Variants in MYO9B observed in about 807,000 individuals in gnomAD.
MYO9B encodes myosin IXB, also known as unconventional myosin-IXb.
A neutral mutation model predicts 229.5 loss-of-function variants in MYO9B; 71 were observed. That is an observed-to-expected ratio of 0.31 (90% CI 0.26 to 0.38). The LOEUF is 0.38. Ranked by LOEUF, MYO9B falls within the 10% of genes least tolerant of loss-of-function variation. The pLI is 1.00. For missense variants in MYO9B, 2,255 were observed against 2,920.5 expected, an observed-to-expected ratio of 0.77 and a Z score of 5.25; for synonymous variants, 1,185 against 1,235.8, an observed-to-expected ratio of 0.96 and a Z score of 0.86.
chr19:17,098,437 A>ACTG (rs574308179), intron 1 of MYO9B, among the ~76,000 whole-genome samples: 187 of 151,990 alleles, frequency 1.2e-3, no homozygotes, highest in African/African-American at 4.4e-3. Flanking sequence ...GTGTCTTTTA[A>ACTG]CTGCTGCGCT....
intron 36 of MYO9B, among the ~76,000 whole-genome samples, 196 bp from the exon 37 acceptor site, chr19:17,210,136 GC>G (rs2145524812): frequency 6.6e-6 from 1 of 152,308 alleles, no homozygotes; most frequent in East Asian, 1.9e-4. Flanking sequence ...TCTGACCTGG[GC>G]CCTACCCACG....
chr19:17,120,025 G>A (rs571178752), intron 2 of MYO9B, among the ~76,000 whole-genome samples: 48 of 152,314 alleles, frequency 3.2e-4, no homozygotes, highest in African/African-American at 1.0e-3. Flanking sequence ...TTAGCCAGGC[G>A]TGCTGGCGCA....
intron 9 of MYO9B, among the ~76,000 whole-genome samples, 160 bp from the exon 10 acceptor site, chr19:17,162,828 A>C (rs2072618480): frequency 6.6e-6 from 1 of 152,116 alleles, no homozygotes; most frequent in Non-Finnish European, 1.5e-5. Flanking sequence ...ATCTCCAAAA[A>C]AAAATTATGG....
At chr19:17,169,722 C>T (rs572191473) in intron 11 of MYO9B, among the ~76,000 whole-genome samples, 1 of 151,688 alleles carries the variant, frequency 6.6e-6, no homozygotes, top group Non-Finnish European at 1.5e-5. Context: ...CCACATCACT[C>T]CAGTCCCTGC....
chr19:17,086,141 G>A (rs1477878226), intron 1 of MYO9B, among the ~76,000 whole-genome samples: 3 of 152,162 alleles, frequency 2.0e-5, no homozygotes, highest in Non-Finnish European at 4.4e-5. Context: ...CTCTGGTCCT[G>A]GTGCCCCTGC....
intron 1 of MYO9B, among the ~76,000 whole-genome samples, chr19:17,085,313 C>T (rs76071980): frequency 0.022 from 3,397 of 152,200 alleles, 49 homozygotes; most frequent in Middle Eastern, 0.034. Flanking sequence ...GTCTGAAGGC[C>T]GCAAGGGCTG....
chr19:17,117,369 C>T (rs899876351), intron 2 of MYO9B, among the ~76,000 whole-genome samples: 8 of 152,234 alleles, frequency 5.3e-5, no homozygotes, highest in Admixed American at 5.2e-4. Context: ...TTGGCCACAG[C>T]AAGCCAGAAC....
chr19:17,171,805 TG>T lies in MYO9B; in HGVS notation c.1794-530del, dbSNP rs1464822791. ...CTTCTCTTAAGAAAAAGAAAAACAT[TG>T]TACTATAGTCCCAGCTACTCAGGAA... On this transcript the variant is annotated intron_variant, in intron 11 of 39. Transcript: ENST00000682292. Among the ~76,000 whole-genome samples the T allele has an allele frequency of 3.3e-5, 5 of 151,896 alleles. 1 individual carries two copies. Among genetic ancestry groups the T allele is most frequent in the African/African-American group, 1.2e-4 (5 of 41,336 alleles).
Position 17,101,777 on chromosome 19 carries a change from C to T in MYO9B, c.60C>T (p.His20=). 6.2e-7 allele frequency: 1 copy of T among 1,602,268 alleles called. No homozygotes were observed. The highest frequency in any genetic ancestry group is 8.5e-7 in the Non-Finnish European group (1 of 1,178,032). Residue 20 remains histidine (H), a synonymous_variant, in exon 2 of 40, where the codon CAC becomes CAT. Transcript: ENST00000682292. This position sits in a 1 kb window ranked among gnomAD's most constrained non-coding sequence, Gnocchi z 4.7. The part of the protein sequence containing the change: ...GRREQAAYHL[H]IYPQLSTTES... ...GGGAGCAGGCGGCCTACCACCTGCA[C>T]ATCTACCCCCAGCTGTCCACCACCG...
At chr19:17,152,616 A>T (rs767840946) in intron 3 of MYO9B, 28 bp from the exon 4 acceptor site, 1 of 1,580,376 alleles carries the variant, frequency 6.3e-7, no homozygotes. Flanking sequence ...GTAATGTTTT[A>T]TTCTTTCTGT....
chr19:17,202,733 G>C, intron 28 of MYO9B, 109 bp from the exon 29 acceptor site: 1 of 1,116,626 alleles, frequency 9.0e-7, no homozygotes, highest in Non-Finnish European at 1.3e-6. Context: ...GCCACTCCAG[G>C]TGAGGGAGGG....
intron 23 of MYO9B, 119 bp downstream of exon 23, chr19:17,197,977 G>A (rs2073064856): frequency 2.9e-6 from 4 of 1,398,966 alleles, no homozygotes; most frequent in Admixed American, 1.9e-5. Flanking sequence ...TCGCTTGAAC[G>A]CAGTGGCAGG....
chr19:17,111,155 A>C (rs1053889184), intron 2 of MYO9B, among the ~76,000 whole-genome samples: 1 of 151,980 alleles, frequency 6.6e-6, no homozygotes, highest in Admixed American at 6.6e-5. Context: ...GCCAGCCTCC[A>C]CCCAGCATTG....
At chr19:17,129,215 C>T (rs572208818) in intron 2 of MYO9B, among the ~76,000 whole-genome samples, 36 of 152,198 alleles carry the variant, frequency 2.4e-4, no homozygotes, top group African/African-American at 8.2e-4. Flanking sequence ...GCCTGGCCAA[C>T]GAGGTGAAAC....
intron 2 of MYO9B, among the ~76,000 whole-genome samples, chr19:17,135,432 G>C (rs565833335): frequency 2.0e-5 from 3 of 151,954 alleles, no homozygotes; most frequent in Admixed American, 2.0e-4. Context: ...CCTCCCTTCT[G>C]TCCACCCTGG....
Position 17,202,038 on chromosome 19 carries a change from C to T in MYO9B, c.4662+14C>T, listed in dbSNP as rs777825172. 29 of 1,611,694 alleles carry T rather than the reference C, an allele frequency of 1.8e-5. No homozygotes were observed. The highest frequency in any genetic ancestry group is 1.3e-4 in the East Asian group (6 of 44,838). On this transcript the variant is annotated intron_variant, in intron 27 of 39. Coordinates refer to ENST00000682292, the MANE Select transcript of MYO9B (RefSeq NM_004145.4). The stretch of plus-strand genomic sequence containing the variant: ...TACTCTGTCCCGGTATGTGGCGGCC[C>T]GGCCTTCAGCCTTTCCCATACCCTG...
chr19:17,176,723 G>A (rs1003237979), intron 14 of MYO9B, among the ~76,000 whole-genome samples: 3 of 152,158 alleles, frequency 2.0e-5, no homozygotes, highest in Admixed American at 1.3e-4. Context: ...TTGATTGATT[G>A]GAGAGTTCTT....
At chr19:17,096,917 T>TGTC (rs2057698407) in intron 1 of MYO9B, among the ~76,000 whole-genome samples, 1 of 149,582 alleles carries the variant, frequency 6.7e-6, no homozygotes, top group African/African-American at 2.5e-5. Flanking sequence ...ATGGTCTCGA[T>TGTC]CTGACCTCGT....
At chr19:17,139,852 AC>A (rs945672045) in intron 2 of MYO9B, among the ~76,000 whole-genome samples, 15 of 151,938 alleles carry the variant, frequency 9.9e-5, no homozygotes, top group African/African-American at 3.1e-4. Context: ...GACCAGCCTG[AC>A]CAACATGGAG....
Sources: allele counts gnomAD v4.1 joint callset (sites outside exome capture counted in the v4.1 genomes callset), GRCh38; gene constraint gnomAD v4.1.1; non-coding constraint Gnocchi (gnomAD v3.1); transcripts MANE v1.5; gene names NCBI Gene and HGNC (gene_info 2026-07-23, HGNC 2026-07-21).